Variants in HOOK3 observed in about 807,000 individuals in gnomAD.
The protein encoded by HOOK3 is protein Hook homolog 3.
Under a neutral mutation model 116.3 loss-of-function variants are expected in HOOK3, and 24 were observed. The observed-to-expected ratio is 0.21, with a 90% confidence interval of 0.15 to 0.29. The LOEUF is 0.29. Among genes scored for constraint, HOOK3 ranks in the 10% least tolerant of loss-of-function variants. The probability of loss-of-function intolerance (pLI) is 1.00; values close to 1 mark genes in which losing one functional copy is unlikely to be tolerated. For missense variants in HOOK3, 632 were observed against 830.2 expected (o/e 0.76, Z 2.93); for synonymous variants, 275 against 283.0 (o/e 0.97, Z 0.28).
intron 6 of HOOK3, among the ~76,000 whole-genome samples, chr8:42,954,924 T>A (rs1050325314): frequency 6.6e-6 from 1 of 152,122 alleles, no homozygotes; most frequent in Non-Finnish European, 1.5e-5. Flanking sequence ...GAAGGCAAGA[T>A]AGTCTGATGA....
At chr8:42,973,545 TTG>T (rs1056426557) in intron 12 of HOOK3, 146 bp downstream of exon 12, 4 of 568,906 alleles carry the variant, frequency 7.0e-6, no homozygotes, top group African/African-American at 1.9e-5. Context: ...AGAATTCCAT[TTG>T]TGTTTCAGAA....
At chr8:42,987,481 A>T (rs1040389519) in intron 15 of HOOK3, among the ~76,000 whole-genome samples, 9 of 152,296 alleles carry the variant, frequency 5.9e-5, no homozygotes, top group Admixed American at 2.6e-4. Context: ...TACCATTTCC[A>T]CAGGCCAGTG....
intron 17 of HOOK3, among the ~76,000 whole-genome samples, chr8:43,003,534 C>T (rs1329068612): frequency 6.6e-6 from 1 of 152,144 alleles, no homozygotes; most frequent in Non-Finnish European, 1.5e-5. Context: ...CAGTCATTTA[C>T]ATGGTGAAAA....
At chr8:42,990,007 A>AT (rs1447877249) in intron 15 of HOOK3, among the ~76,000 whole-genome samples, 1 of 151,652 alleles carries the variant, frequency 6.6e-6, no homozygotes, top group Non-Finnish European at 1.5e-5. Flanking sequence ...ATTTTATTTT[A>AT]TTTTTTTGAG....
rs1192176026 is a variant in HOOK3, at chr8:43,022,283, T to C, written c.*3785T>C. On this transcript the variant is annotated 3_prime_UTR_variant, in exon 22 of 22. Transcript: ENST00000307602. Reference sequence around the variant, plus strand: ...GTCTGGTCTATCTGGAAATTTAAAGTCACTAGGAGCTTTGCCTCATCGTGA... The same window carrying C: ...GTCTGGTCTATCTGGAAATTTAAAGCCACTAGGAGCTTTGCCTCATCGTGA... 2 of 207,792 alleles carry C rather than the reference T, an allele frequency of 9.6e-6. No homozygotes were observed. The allele number at this position is 207,792 out of a possible 1,614,324, so 12.9% of individuals were successfully genotyped here. A position where few individuals can be genotyped will look rare whatever the true frequency, so the allele number is the denominator to read the frequency against.
chr8:43,010,398 C>A lies in HOOK3; in HGVS notation c.1832C>A (p.Ala611Asp). ...CGATACAAAAAATACTTAGAGAAAG[C>A]CAAAAGTGTAAGTATGAATTTTGTA... ...EERYKKYLEK[A>D]KSVIRTLDPK... The change falls in exon 19 of 22, where the codon GCC becomes GAC. Residue 611 changes from alanine (A) to aspartate (D), a missense_variant. Coordinates refer to ENST00000307602, the MANE Select transcript of HOOK3 (RefSeq NM_032410.4). 3 of 1,373,608 alleles carry A rather than the reference C, an allele frequency of 2.2e-6. No homozygotes were observed. Among genetic ancestry groups the A allele is most frequent in the South Asian group, 1.5e-5 (1 of 67,970 alleles). The allele number at this position is 1,373,608 out of a possible 1,614,324, so 85.1% of individuals were successfully genotyped here.
At chr8:42,940,848 C>T (rs1316121794) in intron 4 of HOOK3, among the ~76,000 whole-genome samples, 1 of 152,148 alleles carries the variant, frequency 6.6e-6, no homozygotes, top group African/African-American at 2.4e-5. Flanking sequence ...GAGTGTTTTC[C>T]AACTTGGTTC....
intron 1 of HOOK3, among the ~76,000 whole-genome samples, chr8:42,903,105 T>C (rs1417141979): frequency 1.3e-5 from 2 of 152,188 alleles, no homozygotes; most frequent in African/African-American, 4.8e-5. Context: ...GTTTATTTGT[T>C]TCATGTATTC....
At chr8:42,936,442 GA>G in intron 4 of HOOK3, among the ~76,000 whole-genome samples, 1 of 152,196 alleles carries the variant, frequency 6.6e-6, no homozygotes, top group East Asian at 1.9e-4. Flanking sequence ...TAGGAGTGGT[GA>G]GAGAGGACAT....
chr8:42,898,529 T>A (rs1031577110), intron 1 of HOOK3, among the ~76,000 whole-genome samples: 2 of 152,166 alleles, frequency 1.3e-5, no homozygotes, highest in African/African-American at 2.4e-5. Context: ...TTCTTTGATG[T>A]TGTGGAAGGA....
intron 2 of HOOK3, among the ~76,000 whole-genome samples, chr8:42,924,187 A>G (rs1194207398): frequency 1.3e-5 from 2 of 152,044 alleles, no homozygotes; most frequent in South Asian, 2.1e-4. Context: ...GGACTTAGCA[A>G]TTGCTCAAGC....
At chr8:42,955,603 G>T (rs994934054) in intron 6 of HOOK3, among the ~76,000 whole-genome samples, 2 of 152,146 alleles carry the variant, frequency 1.3e-5, no homozygotes, top group African/African-American at 2.4e-5. Flanking sequence ...GAAGAAACAG[G>T]AGTAAACTTC....
At chr8:42,918,954 C>T (rs1334792203) in intron 2 of HOOK3, among the ~76,000 whole-genome samples, 4 of 152,202 alleles carry the variant, frequency 2.6e-5, no homozygotes, top group South Asian at 2.1e-4. Flanking sequence ...GGCGGGGTGG[C>T]GGCCGGGCAG....
Position 42,902,997 on chromosome 8 carries a change from CAAGTGCTTATTTCTTTT to C in HOOK3, c.58-3157_58-3141del, listed in dbSNP as rs568556843. On this transcript the variant is annotated intron_variant, in intron 1 of 21. Coordinates refer to ENST00000307602, the MANE Select transcript of HOOK3 (RefSeq NM_032410.4). The stretch of plus-strand genomic sequence containing the variant: ...TGACTTGGCAACTGTAGAATGGAAG[CAAGTGCTTATTTCTTTT>C]AAGTGCTTATTTCTTTTACTAATGA... 2.2e-4 allele frequency among the ~76,000 whole-genome samples: 34 copies of C among 152,310 alleles called. No individual in the cohort carries two copies. In the East Asian group the frequency reaches 4.0e-3, roughly 18 times the overall value.
intron 12 of HOOK3, 144 bp from the exon 13 acceptor site, chr8:42,973,963 T>C (rs1321205333): frequency 1.6e-5 from 11 of 673,994 alleles, no homozygotes; most frequent in Admixed American, 9.5e-5. Context: ...TTTTCCTCCT[T>C]CTATGATCTT....
At chr8:43,012,818 T>A (rs995218678) in intron 19 of HOOK3, among the ~76,000 whole-genome samples, 3 of 152,024 alleles carry the variant, frequency 2.0e-5, no homozygotes, top group African/African-American at 7.2e-5. Flanking sequence ...CCCAGGCTGG[T>A]CTCAAACTCC....
chr8:42,992,446 G>A (rs1451915740), intron 15 of HOOK3, among the ~76,000 whole-genome samples: 9 of 146,564 alleles, frequency 6.1e-5, no homozygotes, highest in South Asian at 2.2e-4. Flanking sequence ...GGCCAGGTGC[G>A]GTGGCTCTTC....
chr8:42,989,765 T>G (rs1348709924), intron 15 of HOOK3, among the ~76,000 whole-genome samples: 1 of 152,132 alleles, frequency 6.6e-6, no homozygotes, highest in Non-Finnish European at 1.5e-5. Context: ...CTGGTAACCA[T>G]CCCATCTACT....
At chr8:42,905,887 A>T (rs1246434236) in intron 1 of HOOK3, among the ~76,000 whole-genome samples, 1 of 151,880 alleles carries the variant, frequency 6.6e-6, no homozygotes, top group Non-Finnish European at 1.5e-5. Flanking sequence ...GGGGTACAAG[A>T]CCAGCCTGGC....
Sources: allele counts gnomAD v4.1 joint callset (sites outside exome capture counted in the v4.1 genomes callset), GRCh38; gene constraint gnomAD v4.1.1; transcripts MANE v1.5; gene names NCBI Gene and HGNC (gene_info 2026-07-23, HGNC 2026-07-21).